LMF1: variants seen among roughly 807,000 people sequenced by gnomAD.
LMF1 encodes lipase maturation factor 1.
Under a neutral mutation model 60.6 loss-of-function variants are expected in LMF1, and 68 were observed. The ratio of observed to expected loss-of-function variants is 1.12; its 90% confidence interval spans 0.92 to 1.37. The LOEUF (loss-of-function observed/expected upper bound fraction) is 1.37, where lower values mean the gene tolerates loss of function less well. Ranked by LOEUF, LMF1 falls within the 40% of genes most tolerant of loss-of-function variation. LMF1 has a pLI of 0.00. For synonymous variants in LMF1, 418 were observed against 324.7 expected (o/e 1.29, Z -3.09); for missense variants, 948 against 767.2 (o/e 1.24, Z -2.78).
chr16:906,628 A>G (rs2151749733), intron 4 of LMF1, among the ~76,000 whole-genome samples: 1 of 152,182 alleles, frequency 6.6e-6, no homozygotes. Flanking sequence ...ACCCCTTTAT[A>G]TATATATTTC....
At chr16:925,532 C>A (rs1249656505) in intron 3 of LMF1, among the ~76,000 whole-genome samples, 7 of 152,056 alleles carry the variant, frequency 4.6e-5, no homozygotes. Flanking sequence ...GAGTTCAAGA[C>A]CAGCCTGGAC....
At chr16:971,021 G>A (rs538027603), upstream of LMF1, 242 of 1,384,722 alleles carry the variant, frequency 1.7e-4, 1 homozygote, top group East Asian at 7.0e-3. Context: ...GCCCATTCTC[G>A]GAGGCCCCGC....
upstream of LMF1, among the ~76,000 whole-genome samples, chr16:974,650 C>A (rs1763946461): frequency 6.6e-6 from 1 of 152,236 alleles, no homozygotes; most frequent in African/African-American, 2.4e-5. Flanking sequence ...TGCGCCAGCA[C>A]AGCCCCCAGG....
At chr16:866,420 G>T (rs1478041758) in intron 10 of LMF1, among the ~76,000 whole-genome samples, 1 of 152,152 alleles carries the variant, frequency 6.6e-6, no homozygotes, top group Admixed American at 6.5e-5. Context: ...TGCTGGCTGG[G>T]TGGTGGTGAA....
intron 1 of LMF1, chr16:964,145 A>T (rs1281295022): frequency 6.6e-6 from 3 of 455,814 alleles, no homozygotes; most frequent in African/African-American, 6.0e-5. Context: ...AATCAGAAAG[A>T]AATAGCTGGG....
At chr16:930,568 G>A (rs1015263582) in intron 3 of LMF1, among the ~76,000 whole-genome samples, 1 of 152,146 alleles carries the variant, frequency 6.6e-6, no homozygotes, top group Non-Finnish European at 1.5e-5. Context: ...GAAAAGAAAC[G>A]TAAACATTCT....
intron 4 of LMF1, among the ~76,000 whole-genome samples, chr16:893,563 C>T (rs1335299335): frequency 6.6e-6 from 1 of 152,160 alleles, no homozygotes; most frequent in African/African-American, 2.4e-5. Context: ...GTCTCCCACA[C>T]ACTGCAGCTC....
intron 10 of LMF1, among the ~76,000 whole-genome samples, chr16:860,016 G>A (rs2069407722): frequency 6.6e-6 from 1 of 151,958 alleles, no homozygotes; most frequent in Non-Finnish European, 1.5e-5. Flanking sequence ...TCTAATGACA[G>A]GCATTTCTCC....
chr16:868,621 G>A (rs547065659), intron 10 of LMF1, among the ~76,000 whole-genome samples: 2 of 152,304 alleles, frequency 1.3e-5, no homozygotes, highest in South Asian at 4.1e-4. Flanking sequence ...GCCAGGAGCA[G>A]AGGTGGCACC....
At chr16:872,940 C>G (rs910182345) in intron 6 of LMF1, 1 of 152,252 alleles carries the variant, frequency 6.6e-6, no homozygotes, top group African/African-American at 2.4e-5. Context: ...TCAGGGTGGG[C>G]CCTGCCTGAG....
chr16:854,789 G>C, intron 10 of LMF1, 83 bp from the exon 11 acceptor site: 1 of 1,283,514 alleles, frequency 7.8e-7, no homozygotes, highest in Non-Finnish European at 1.1e-6. Context: ...CTGAGCTGCA[G>C]CTGCTCACAG....
chr16:880,197 G>A (rs1320643709), intron 5 of LMF1, among the ~76,000 whole-genome samples: 1 of 152,162 alleles, frequency 6.6e-6, no homozygotes, highest in Non-Finnish European at 1.5e-5. Flanking sequence ...GGGACGTGCC[G>A]GTTGGGGACC....
chr16:914,957 A>G (rs1596984734), intron 3 of LMF1, among the ~76,000 whole-genome samples: 1 of 152,246 alleles, frequency 6.6e-6, no homozygotes, highest in East Asian at 1.9e-4. Context: ...AGGGCCACAC[A>G]GCTCTCAGCC....
chr16:873,573 G>C (rs988903081), intron 6 of LMF1: 1 of 152,136 alleles, frequency 6.6e-6, no homozygotes, highest in Non-Finnish European at 1.5e-5. Flanking sequence ...ACCCTCTGCC[G>C]AGGACACGCC....
At chr16:967,251 G>C (rs892633205) in intron 1 of LMF1, among the ~76,000 whole-genome samples, 3 of 152,230 alleles carry the variant, frequency 2.0e-5, no homozygotes, top group Non-Finnish European at 4.4e-5. Flanking sequence ...CAGACCAGCT[G>C]TTTGCCACAC....
At chr16:964,643 G>A (rs971160339) in intron 1 of LMF1, among the ~76,000 whole-genome samples, 2 of 152,224 alleles carry the variant, frequency 1.3e-5, no homozygotes, top group Non-Finnish European at 2.9e-5. Flanking sequence ...GCCACTGAAA[G>A]CTCAGAACAA....
chr16:880,859 G>A (rs551129898), intron 5 of LMF1, among the ~76,000 whole-genome samples: 1 of 152,392 alleles, frequency 6.6e-6, no homozygotes, highest in East Asian at 1.9e-4. Context: ...GAGTGCCCTA[G>A]ATGGACGATG....
At chr16:865,622 T>G (rs2069590634) in intron 10 of LMF1, among the ~76,000 whole-genome samples, 1 of 152,258 alleles carries the variant, frequency 6.6e-6, no homozygotes, top group South Asian at 2.1e-4. Context: ...GGTTTGAATT[T>G]CTTTGGGTTT....
intron 3 of LMF1, chr16:933,697 C>G: frequency 3.4e-6 from 1 of 298,036 alleles, no homozygotes; most frequent in East Asian, 8.4e-5. Context: ...TGTCCCATGA[C>G]ATTCTGGAGG....
Sources: allele counts gnomAD v4.1 joint callset (sites outside exome capture counted in the v4.1 genomes callset), GRCh38; gene constraint gnomAD v4.1.1; transcripts MANE v1.5; gene names NCBI Gene and HGNC (gene_info 2026-07-23, HGNC 2026-07-21).